NFAT5: variants seen among roughly 807,000 people sequenced by gnomAD.
NFAT5 encodes nuclear factor of activated T cells 5, also known as nuclear factor of activated T-cells 5.
Under a neutral mutation model 166.5 loss-of-function variants are expected in NFAT5, and 31 were observed. That is an observed-to-expected ratio of 0.19 (90% CI 0.14 to 0.25). NFAT5 has a LOEUF of 0.25. Among genes scored for constraint, NFAT5 ranks in the 10% least tolerant of loss-of-function variants. NFAT5 has a pLI of 1.00. For synonymous variants in NFAT5, 612 were observed against 639.7 expected (o/e 0.96, Z 0.65); for missense variants, 1,449 against 1,821.8 (o/e 0.80, Z 3.72).
intron 12 of NFAT5, 139 bp from the exon 13 acceptor site, chr16:69,691,610 C>T (rs1230798227): frequency 6.2e-6 from 4 of 645,260 alleles, no homozygotes; most frequent in Non-Finnish European, 1.1e-5. Flanking sequence ...TAGTCCTGTA[C>T]CTGTTTTCTA....
In NFAT5 at chr16:69,700,952, C is replaced by CT. The variant is rs34890522; in HGVS notation, c.*4614dup. On this transcript the variant is annotated 3_prime_UTR_variant, in exon 15 of 15. Transcript: ENST00000349945. ...TCCCAGTGCTCTAGTTACTTTACTT[C>CT]TTTTTTTTTTTTTGAGATGGAGTCT... 32,240 of 144,770 alleles carry CT rather than the reference C, an allele frequency of 0.22. 3,763 individuals are homozygous for CT. The highest frequency in any genetic ancestry group is 0.45 in the East Asian group (2,237 of 4,978). 9.0% of individuals were successfully genotyped at this position (144,770 alleles called of 1,614,324 possible).
chr16:69,590,060 G>C (rs565382057), intron 2 of NFAT5, among the ~76,000 whole-genome samples: 2 of 152,238 alleles, frequency 1.3e-5, no homozygotes, highest in Non-Finnish European at 2.9e-5. Flanking sequence ...TGTAGTCTTA[G>C]CTACTTAGGA....
chr16:69,685,093 AAAAT>A (rs1349214695), intron 11 of NFAT5, 123 bp downstream of exon 11: 18 of 440,936 alleles, frequency 4.1e-5, no homozygotes, highest in Non-Finnish European at 6.1e-5. Flanking sequence ...TTCATATTGT[AAAAT>A]AAATATGTGT....
chr16:69,688,329 GAATA>G (rs1027800135), intron 11 of NFAT5, among the ~76,000 whole-genome samples: 4 of 151,216 alleles, frequency 2.6e-5, no homozygotes, highest in African/African-American at 9.7e-5. Context: ...ATGAATGAAT[GAATA>G]TTTTTAAAAA....
chr16:69,642,054 G>C (rs2035236679), intron 3 of NFAT5, among the ~76,000 whole-genome samples: 1 of 151,836 alleles, frequency 6.6e-6, no homozygotes, highest in Non-Finnish European at 1.5e-5. Context: ...GGTTGTGATC[G>C]TGCCCCTACA....
intron 3 of NFAT5, chr16:69,644,978 G>T: frequency 6.7e-6 from 2 of 297,700 alleles, no homozygotes; most frequent in South Asian, 6.0e-5. Flanking sequence ...CTCTGAAAAT[G>T]AAGAACATAG....
chr16:69,637,181 T>G (rs2035004593), intron 3 of NFAT5, among the ~76,000 whole-genome samples: 1 of 152,330 alleles, frequency 6.6e-6, no homozygotes, highest in African/African-American at 2.4e-5. Flanking sequence ...TACTCCAGTT[T>G]CCAACAAGTT....
At chr16:69,670,557 C>T (rs2036584552) in intron 9 of NFAT5, among the ~76,000 whole-genome samples, 1 of 152,100 alleles carries the variant, frequency 6.6e-6, no homozygotes, top group African/African-American at 2.4e-5. Flanking sequence ...TACTTATTTT[C>T]TCTGAGGATT....
intron 2 of NFAT5, among the ~76,000 whole-genome samples, chr16:69,610,715 A>G (rs1302780109): frequency 1.3e-5 from 2 of 152,206 alleles, no homozygotes; most frequent in Non-Finnish European, 2.9e-5. Flanking sequence ...GGGTTACACC[A>G]AATACTTTCA....
Position 69,566,001 on chromosome 16 carries a change from C to A in NFAT5, c.-301C>A, listed in dbSNP as rs569067217. 2.3e-4 allele frequency: 79 copies of A among 350,132 alleles called. 1 individual carries two copies. The South Asian group carries it at 2.8e-3, about 12-fold the overall frequency. 21.7% of individuals were successfully genotyped at this position (350,132 alleles called of 1,614,324 possible). A position where few individuals can be genotyped will look rare whatever the true frequency, so the allele number is the denominator to read the frequency against. ...CAGCGGCGGCGGCGGTGGCGGCGAC[C>A]GTCAGTTTTCGCTGAGGAGAAACAC... On this transcript the variant is annotated 5_prime_UTR_variant, in exon 1 of 15. Transcript: ENST00000349945. This position sits in a 1 kb window ranked among gnomAD's most constrained non-coding sequence, Gnocchi z 5.7.
At chr16:69,669,166 A>C (rs1275885756) in intron 7 of NFAT5, among the ~76,000 whole-genome samples, 1 of 152,168 alleles carries the variant, frequency 6.6e-6, no homozygotes. Context: ...AAGTGCTGGG[A>C]TTACAGGTGT....
At position 69,703,312 on chromosome 16, in the gene NFAT5, C is replaced by T. The variant is rs2037929211; in HGVS notation, c.*6961C>T. ...TTGCTTTGTATAAGAACTAAGCTAT[C>T]AGTATAGATATAGCTATCCTTGGAG... is the stretch of plus-strand genomic sequence containing the variant. On this transcript the variant is annotated 3_prime_UTR_variant, in exon 15 of 15. Coordinates refer to ENST00000349945, the MANE Select transcript of NFAT5 (RefSeq NM_138713.4). 6.6e-6 allele frequency: 1 copy of T among 152,508 alleles called. No homozygotes were observed. The highest frequency in any genetic ancestry group is 6.6e-5 in the Admixed American group (1 of 15,266). The allele number at this position is 152,508 out of a possible 1,614,324, so 9.4% of individuals were successfully genotyped here.
intron 2 of NFAT5, among the ~76,000 whole-genome samples, chr16:69,621,035 A>G (rs1046890816): frequency 1.3e-5 from 2 of 152,194 alleles, no homozygotes; most frequent in African/African-American, 4.8e-5. Flanking sequence ...TTTTTATCAC[A>G]TATTTTACTG....
At chr16:69,568,587 T>G (rs775908886) in intron 2 of NFAT5, 39 bp downstream of exon 2, 3 of 1,523,962 alleles carry the variant, frequency 2.0e-6, no homozygotes, top group African/African-American at 2.8e-5. Context: ...TGTGTTAGTA[T>G]GCAAAGGCTT....
chr16:69,613,812 A>G (rs1465967188), intron 2 of NFAT5, among the ~76,000 whole-genome samples: 1 of 152,244 alleles, frequency 6.6e-6, no homozygotes, highest in Non-Finnish European at 1.5e-5. Context: ...ACTGCTTAAT[A>G]AGGGTGACTT....
intron 2 of NFAT5, among the ~76,000 whole-genome samples, chr16:69,609,819 GAAAAAAAA>G (rs1157655325): frequency 2.7e-5 from 2 of 75,324 alleles, no homozygotes; most frequent in Non-Finnish European, 5.5e-5. Context: ...TGTCTCTACT[GAAAAAAAA>G]AAAAAAAAAA....
chr16:69,666,391 A>T (rs1367778504), intron 7 of NFAT5, among the ~76,000 whole-genome samples: 1 of 151,380 alleles, frequency 6.6e-6, no homozygotes, highest in Non-Finnish European at 1.5e-5. Context: ...GCAACCTACA[A>T]AATGGGAGAA....
intron 7 of NFAT5, among the ~76,000 whole-genome samples, chr16:69,660,524 TCTAA>T (rs997054242): frequency 3.7e-4 from 57 of 152,330 alleles, no homozygotes; most frequent in African/African-American, 1.2e-3. Flanking sequence ...TTACTGTGGT[TCTAA>T]CTGTTTTGTG....
At chr16:69,629,852 T>C (rs1475353537) in intron 3 of NFAT5, among the ~76,000 whole-genome samples, 1 of 146,752 alleles carries the variant, frequency 6.8e-6, no homozygotes, top group Non-Finnish European at 1.5e-5. Flanking sequence ...CACTGCAGCC[T>C]AAACCCCCTG....
Sources: allele counts gnomAD v4.1 joint callset (sites outside exome capture counted in the v4.1 genomes callset), GRCh38; gene constraint gnomAD v4.1.1; non-coding constraint Gnocchi (gnomAD v3.1); transcripts MANE v1.5; gene names NCBI Gene and HGNC (gene_info 2026-07-23, HGNC 2026-07-21).